The following GNAS variants were observed in gnomAD, a reference collection of about 807,000 sequenced individuals.
The protein encoded by GNAS is protein ALEX.
In GNAS, 8 loss-of-function variants were observed where a neutral mutation model predicts 54.5. The ratio of observed to expected loss-of-function variants is 0.15; its 90% CI spans 0.09 to 0.26. The LOEUF is 0.26. Ranked by LOEUF, GNAS falls within the 10% of genes least tolerant of loss-of-function variation. The pLI is 1.00. For missense variants in GNAS, 170 were observed against 529.8 expected (o/e 0.32, Z 6.67); for synonymous variants, 204 against 191.4 (o/e 1.07, Z -0.54).
chr20:58,891,189 C>T (rs2089224117), upstream of GNAS: 1 of 149,282 alleles, frequency 6.7e-6, no homozygotes, highest in African/African-American at 2.5e-5. Flanking sequence ...GGAGGGACCC[C>T]CTCCCCGGGC....
chr20:58,889,286 T>A, upstream of GNAS: 1 of 996,470 alleles, frequency 1.0e-6, no homozygotes. Context: ...CGAGCCCCTG[T>A]CCCGGCGCGG....
chr20:58,840,213 C>G, upstream of GNAS: 1 of 1,611,228 alleles, frequency 6.2e-7, no homozygotes, highest in South Asian at 1.1e-5. This position sits in a 1 kb window ranked among gnomAD's most constrained non-coding sequence, Gnocchi z 6.0. Flanking sequence ...CTCTGGCTCT[C>G]CTGCTCCATC....
chr20:58,854,671 C>A (rs1473713580), intron 1 of GNAS: 1 of 1,528,226 alleles, frequency 6.5e-7, no homozygotes, highest in Non-Finnish European at 8.7e-7. Context: ...GATGCCGGGG[C>A]GGCCCCTGAG....
rs1458392983 is a variant in GNAS at position 58,873,142 on chromosome 20, AG to A, written c.44-22466del. On this transcript the variant is annotated intron_variant, in intron 1 of 12. Transcript: ENST00000306090. This position sits in a 1 kb window ranked among gnomAD's most constrained non-coding sequence, Gnocchi z 4.3. ...TTGAGACTTAGCAAAATGGCTGATT[AG>A]GGGCCAGTGTTGGGGAAAATAATTG... Among the ~76,000 whole-genome samples the A allele has an allele frequency of 1.3e-5, 2 of 152,194 alleles. No individual in the cohort carries two copies. Among genetic ancestry groups the A allele is most frequent in the African/African-American group, 2.4e-5 (1 of 41,430 alleles).
chr20:58,899,066 C>T (rs2090352455), intron 3 of GNAS, 81 bp downstream of exon 3: 3 of 1,066,336 alleles, frequency 2.8e-6, no homozygotes, highest in Non-Finnish European at 4.4e-6. Context: ...AGGCCAGAGA[C>T]CCGGGAAGAA....
At chr20:58,903,317 T>C (rs1267230776) in intron 3 of GNAS, 2 of 646,298 alleles carry the variant, frequency 3.1e-6, no homozygotes, top group African/African-American at 1.8e-5. Context: ...AATTTGCTAA[T>C]CTGCCCCGAT....
intron 1 of GNAS, among the ~76,000 whole-genome samples, chr20:58,847,500 A>G (rs2145514057): frequency 6.6e-6 from 1 of 152,382 alleles, no homozygotes. Flanking sequence ...CTCAGCACTC[A>G]GAAAACATTT....
chr20:58,853,764 G>T lies in GNAS; in HGVS notation c.43+12878G>T. 1 of 1,613,506 alleles carries T rather than the reference G, an allele frequency of 6.2e-7. No individual in the cohort carries two copies. Among genetic ancestry groups the T allele is most frequent in the South Asian group, 1.1e-5 (1 of 91,010 alleles). On this transcript the variant is annotated intron_variant, in intron 1 of 12. Transcript: ENST00000306090. This position sits in a 1 kb window ranked among gnomAD's most constrained non-coding sequence, Gnocchi z 4.4. Reference sequence around the variant, plus strand: ...AGAAGAAGCTATGCCCTTTGAGTTTGACCAGCCTGCCCAGAGAGGCTGCAG... The same window carrying T: ...AGAAGAAGCTATGCCCTTTGAGTTTTACCAGCCTGCCCAGAGAGGCTGCAG...
At chr20:58,900,731 A>G (rs1371532054) in intron 3 of GNAS, among the ~76,000 whole-genome samples, 1 of 152,224 alleles carries the variant, frequency 6.6e-6, no homozygotes, top group Non-Finnish European at 1.5e-5. Context: ...GAATTTCACA[A>G]TCAACGTTAA....
In GNAS at chr20:58,853,208, G is replaced by C; in HGVS notation, c.43+12322G>C. On this transcript the variant is annotated intron_variant, in intron 1 of 12. Transcript: ENST00000306090. This position sits in a 1 kb window ranked among gnomAD's most constrained non-coding sequence, Gnocchi z 4.4. ...AATAATAATTTTTTCACCCTAGTTCGGTTGGGTGCTCCATCTTACGGAGCC... is the reference window on the plus strand; with the variant it reads ...AATAATAATTTTTTCACCCTAGTTCCGTTGGGTGCTCCATCTTACGGAGCC... 6.8e-7 allele frequency: 1 copy of C among 1,479,908 alleles called. No individual in the cohort carries two copies. Among genetic ancestry groups the C allele is most frequent in the Non-Finnish European group, 9.0e-7 (1 of 1,112,976 alleles). The allele number at this position is 1,479,908 out of a possible 1,614,324, so 91.7% of individuals were successfully genotyped here.
intron 1 of GNAS, chr20:58,854,390 T>G: frequency 6.4e-7 from 1 of 1,566,294 alleles, no homozygotes. Flanking sequence ...AAGTACCCTC[T>G]CCGGGGTACG....
chr20:58,895,590 G>T lies in GNAS; in HGVS notation c.140-22G>T, dbSNP rs370962509. On this transcript the variant is annotated intron_variant, in intron 1 of 12. Coordinates refer to ENST00000371085, the MANE Select transcript of GNAS (RefSeq NM_000516.7). The stretch of plus-strand genomic sequence containing the variant: ...TGTTAAAATGCCTCCTTCATAACCT[G>T]AGACTTACTTTCATTTTCTAGGTGC... The T allele has an allele frequency of 4.0e-6, 6 of 1,502,476 alleles. No homozygotes were observed. Among genetic ancestry groups the T allele is most frequent in the Non-Finnish European group, 5.6e-6 (6 of 1,078,168 alleles). 93.1% of individuals were successfully genotyped at this position (1,502,476 alleles called of 1,614,324 possible). A position where few individuals can be genotyped will look rare whatever the true frequency, so the allele number is the denominator to read the frequency against.
chr20:58,880,315 G>A (rs574033253), intron 1 of GNAS, among the ~76,000 whole-genome samples: 3 of 152,308 alleles, frequency 2.0e-5, no homozygotes, highest in East Asian at 1.9e-4. Flanking sequence ...TCCCTCGGGG[G>A]TGCAGGCAGG....
upstream of GNAS, among the ~76,000 whole-genome samples, chr20:58,888,170 G>T (rs1209326711): frequency 6.6e-6 from 1 of 152,142 alleles, no homozygotes; most frequent in Non-Finnish European, 1.5e-5. Context: ...CAAAGAAAAA[G>T]TTGGAAGACA....
At chr20:58,898,569 C>A (rs995288901) in intron 2 of GNAS, 3 of 296,468 alleles carry the variant, frequency 1.0e-5, no homozygotes, top group Non-Finnish European at 1.9e-5. Context: ...GAATTAGGAG[C>A]CTTATGCGCT....
chr20:58,852,092 GC>G (rs1040314815), intron 1 of GNAS, among the ~76,000 whole-genome samples: 5 of 151,848 alleles, frequency 3.3e-5, no homozygotes, highest in Non-Finnish European at 7.4e-5. Context: ...TGCGCAGCAC[GC>G]CCCCCACCCC....
chr20:58,840,091 G>T, upstream of GNAS: 1 of 1,609,710 alleles, frequency 6.2e-7, no homozygotes. The surrounding 1 kb of genome is among the most constrained non-coding windows in gnomAD (Gnocchi z 6.0). Flanking sequence ...CGGCTTCTCG[G>T]TGTGTGCCTA....
Position 58,900,131 on chromosome 20 carries a change from A to G in GNAS, c.257+1146A>G, listed in dbSNP as rs953722384. 13 of 576,244 alleles carry G rather than the reference A, an allele frequency of 2.3e-5. No individual in the cohort carries two copies. The African/African-American group carries it at 2.5e-4, about 11-fold the overall frequency. The allele number at this position is 576,244 out of a possible 1,614,324, so 35.7% of individuals were successfully genotyped here. ...CTTAAACGATGATTGAAAAAACGAA[A>G]AATGAACTGAAATCCTTAATTGGCA... On this transcript the variant is annotated intron_variant, in intron 3 of 12. Coordinates refer to ENST00000371085, the MANE Select transcript of GNAS (RefSeq NM_000516.7).
chr20:58,845,016 G>A (rs1028591031), intron 1 of GNAS, among the ~76,000 whole-genome samples: 3 of 139,968 alleles, frequency 2.1e-5, no homozygotes, highest in Admixed American at 7.4e-5. Flanking sequence ...CCTGAGAGTC[G>A]TATTTAGTGT....
Sources: allele counts gnomAD v4.1 joint callset (sites outside exome capture counted in the v4.1 genomes callset), GRCh38; gene constraint gnomAD v4.1.1; non-coding constraint Gnocchi (gnomAD v3.1); transcripts MANE v1.5; gene names NCBI Gene and HGNC (gene_info 2026-07-23, HGNC 2026-07-21).